Variants in SRFBP1 observed in about 807,000 individuals in gnomAD.
SRFBP1 encodes the protein serum response factor binding protein 1.
A neutral mutation model predicts 45.5 loss-of-function variants in SRFBP1; 47 were observed. The ratio of observed to expected loss-of-function variants is 1.03; its 90% confidence interval spans 0.82 to 1.32. The LOEUF (loss-of-function observed/expected upper bound fraction) is 1.32. Ranked by LOEUF, SRFBP1 falls within the 40% of genes most tolerant of loss-of-function variation. The pLI, the probability that SRFBP1 is intolerant of heterozygous loss-of-function variation, is 0.00. For missense variants in SRFBP1, 621 were observed against 484.6 expected (o/e 1.28, Z -2.64); for synonymous variants, 203 against 166.3 (o/e 1.22, Z -1.70).
chr5:122,050,588 G>A (rs928332269), intron 2 of SRFBP1, among the ~76,000 whole-genome samples: 4 of 151,930 alleles, frequency 2.6e-5, no homozygotes, highest in Non-Finnish European at 5.9e-5. Context: ...TATTTCTGTG[G>A]GGTCAGTGGT....
chr5:122,075,754 T>G (rs1320214948), downstream of SRFBP1, among the ~76,000 whole-genome samples: 1 of 152,168 alleles, frequency 6.6e-6, no homozygotes, highest in Non-Finnish European at 1.5e-5. Flanking sequence ...CAATGAATAT[T>G]TGGTGAATAA....
chr5:121,972,583 G>A (rs752472515), intron 1 of SRFBP1, among the ~76,000 whole-genome samples: 9 of 151,788 alleles, frequency 5.9e-5, no homozygotes, highest in Non-Finnish European at 1.2e-4. Context: ...TCAGGACTAC[G>A]GTTTCCTCAC....
intron 2 of SRFBP1, among the ~76,000 whole-genome samples, chr5:122,052,538 C>T (rs1482164763): frequency 1.3e-5 from 2 of 152,114 alleles, no homozygotes; most frequent in Non-Finnish European, 2.9e-5. Flanking sequence ...TTGGTCTATT[C>T]TGCTGTGAAT....
Position 122,027,442 on chromosome 5 carries a change from T to C in SRFBP1, c.*316T>C, listed in dbSNP as rs1753507245. ...TTTTTAAAGTAAATTCAACTTACGC[T>C]TATATAAGCCTTTCACAAATCCAAT... is the stretch of plus-strand genomic sequence containing the variant. On this transcript the variant is annotated 3_prime_UTR_variant, in exon 8 of 8. Coordinates refer to ENST00000339397, the MANE Select transcript of SRFBP1 (RefSeq NM_152546.3). The C allele has an allele frequency of 6.0e-6, 1 of 167,302 alleles. No individual in the cohort carries two copies. The allele number at this position is 167,302 out of a possible 1,614,324, so 10.4% of individuals were successfully genotyped here.
At chr5:122,033,380 A>T (rs1225222610), downstream of SRFBP1, among the ~76,000 whole-genome samples, 1 of 151,716 alleles carries the variant, frequency 6.6e-6, no homozygotes, top group Non-Finnish European at 1.5e-5. Flanking sequence ...CTTTTGTTCC[A>T]TTTTTACAAA....
Position 121,975,357 on chromosome 5 carries a change from A to G in SRFBP1, c.168A>G (p.Gln56=). The G allele has an allele frequency of 6.2e-7, 1 of 1,613,398 alleles. No homozygotes were observed. Among genetic ancestry groups the G allele is most frequent in the Non-Finnish European group, 8.5e-7 (1 of 1,179,410 alleles). The part of the protein sequence containing the change: ...DALLKNQRRA[Q]RLLEEIHAMK... Reference sequence around the variant, plus strand: ...TGTTAAAAAACCAAAGACGGGCGCAAAGATTGCTTGAAGAAATCCATGCCA... The same window carrying G: ...TGTTAAAAAACCAAAGACGGGCGCAGAGATTGCTTGAAGAAATCCATGCCA... The change falls in exon 3 of 8, where the codon CAA becomes CAG. Residue 56 remains glutamine (Q), a synonymous_variant. Transcript: ENST00000339397.
intron 2 of SRFBP1, among the ~76,000 whole-genome samples, chr5:122,043,099 A>G (rs534600134): frequency 2.6e-5 from 4 of 152,260 alleles, no homozygotes; most frequent in South Asian, 2.1e-4. Flanking sequence ...TCTTAAGTAC[A>G]TATGTTTTCA....
chr5:122,028,670 T>C (rs1044976133), downstream of SRFBP1: 4 of 150,222 alleles, frequency 2.7e-5, no homozygotes, highest in Non-Finnish European at 4.4e-5. Context: ...GAGAAAATTA[T>C]TTTTGCTGTG....
At chr5:122,041,010 G>A (rs984735552) in intron 2 of SRFBP1, among the ~76,000 whole-genome samples, 2 of 152,114 alleles carry the variant, frequency 1.3e-5, no homozygotes, top group African/African-American at 2.4e-5. Context: ...GTGGATTAGG[G>A]ACAATTTTGA....
intron 2 of SRFBP1, chr5:122,064,096 A>G (rs1377483061): frequency 1.3e-5 from 2 of 151,898 alleles, no homozygotes; most frequent in African/African-American, 4.8e-5. Flanking sequence ...CTCTGAAATT[A>G]TGTTCCTATT....
In SRFBP1 at chr5:122,027,155, T is replaced by A; in HGVS notation, c.*29T>A. On this transcript the variant is annotated 3_prime_UTR_variant, in exon 8 of 8. Transcript: ENST00000339397. ...GTGCCTCTTTCTGCAAACTTTTCCA[T>A]CTAAAAAAAAAAATGTTTTTTTTAA... 1.9e-6 allele frequency: 3 copies of A among 1,548,242 alleles called. No homozygotes were observed. The highest frequency in any genetic ancestry group is 2.0e-5 in the Admixed American group (1 of 50,898).
chr5:121,992,719 C>T (rs1561583304), intron 3 of SRFBP1, among the ~76,000 whole-genome samples: 1 of 152,054 alleles, frequency 6.6e-6, no homozygotes. Flanking sequence ...AATGGTTTTC[C>T]CTTTCTCAAT....
At chr5:122,035,801 T>C (rs1043792248) in intron 2 of SRFBP1, among the ~76,000 whole-genome samples, 2 of 152,206 alleles carry the variant, frequency 1.3e-5, no homozygotes, top group African/African-American at 4.8e-5. Flanking sequence ...CAATCTACCA[T>C]AAGCCTTGAG....
At chr5:121,987,107 G>C (rs556341340) in intron 3 of SRFBP1, among the ~76,000 whole-genome samples, 3 of 152,086 alleles carry the variant, frequency 2.0e-5, no homozygotes, top group Non-Finnish European at 4.4e-5. Flanking sequence ...AACCAATTAG[G>C]CTATTATAAT....
downstream of SRFBP1, among the ~76,000 whole-genome samples, chr5:122,078,608 GT>G (rs1754712173): frequency 6.6e-6 from 1 of 152,060 alleles, no homozygotes; most frequent in South Asian, 2.1e-4. Flanking sequence ...ATGCTATTAG[GT>G]CACCAGCCCT....
At chr5:121,988,153 A>G (rs1312923748) in intron 3 of SRFBP1, among the ~76,000 whole-genome samples, 2 of 152,230 alleles carry the variant, frequency 1.3e-5, no homozygotes, top group East Asian at 1.9e-4. Flanking sequence ...TTAGTTTAAC[A>G]TAATTAGGAA....
intron 2 of SRFBP1, among the ~76,000 whole-genome samples, chr5:122,051,054 A>C (rs1398752085): frequency 6.6e-6 from 1 of 152,092 alleles, no homozygotes; most frequent in Admixed American, 6.6e-5. Flanking sequence ...AGGTAATTGT[A>C]TGATTTTGAG....
chr5:122,043,961 G>T lies in SRFBP1; in HGVS notation n.311+21554G>T, dbSNP rs193053310. Among the ~76,000 whole-genome samples, 247 of 152,220 alleles carry T rather than the reference G, an allele frequency of 1.6e-3. 2 individuals are homozygous for T. Among genetic ancestry groups the T allele is most frequent in the Middle Eastern group, 0.014 (4 of 292 alleles). On this transcript the variant is annotated intron_variant and non_coding_transcript_variant, in intron 2 of 2. Transcript: ENST00000504881. The stretch of plus-strand genomic sequence containing the variant: ...CTGATAGTCTTGTCTCCCTGGTAAT[G>T]CGCATGATACCTCATAGGTAGTTTT...
chr5:122,077,541 C>T (rs766969559), downstream of SRFBP1: 3 of 1,613,592 alleles, frequency 1.9e-6, no homozygotes, highest in Non-Finnish European at 2.5e-6. The surrounding 1 kb of genome is among the most constrained non-coding windows in gnomAD (Gnocchi z 4.9). Flanking sequence ...GGAACTTCTC[C>T]CGGCGCTGTC....
Sources: allele counts gnomAD v4.1 joint callset (sites outside exome capture counted in the v4.1 genomes callset), GRCh38; gene constraint gnomAD v4.1.1; non-coding constraint Gnocchi (gnomAD v3.1); transcripts MANE v1.5; gene names NCBI Gene and HGNC (gene_info 2026-07-23, HGNC 2026-07-21).